CHRM2: variants seen among roughly 807,000 people sequenced by gnomAD.
CHRM2 encodes the protein muscarinic acetylcholine receptor M2.
In CHRM2, 8 loss-of-function variants were observed where a neutral mutation model predicts 25.0. The observed-to-expected ratio is 0.32, with a 90% CI of 0.19 to 0.58. CHRM2 has a LOEUF of 0.58. CHRM2 is among the 20% of genes least tolerant of loss of function. The pLI, the probability that CHRM2 is intolerant of heterozygous loss-of-function variation, is 0.88. For synonymous variants in CHRM2, 202 were observed against 205.7 expected (o/e 0.98, Z 0.15); for missense variants, 440 against 567.1 (o/e 0.78, Z 2.28).
At chr7:136,917,108 A>G (rs544249295) in intron 2 of CHRM2, among the ~76,000 whole-genome samples, 2 of 151,676 alleles carry the variant, frequency 1.3e-5, no homozygotes, top group Non-Finnish European at 2.9e-5. Context: ...AAATGAAAAC[A>G]TGATATTTTT....
chr7:137,008,954 T>C (rs1271841725), intron 3 of CHRM2, among the ~76,000 whole-genome samples: 2 of 152,084 alleles, frequency 1.3e-5, no homozygotes, highest in Non-Finnish European at 2.9e-5. Flanking sequence ...AGACCTAAAT[T>C]TGAATCACAG....
At chr7:136,975,989 G>A (rs1802079953) in intron 2 of CHRM2, among the ~76,000 whole-genome samples, 1 of 152,160 alleles carries the variant, frequency 6.6e-6, no homozygotes, top group Non-Finnish European at 1.5e-5. Context: ...GCTATGTTCA[G>A]ATAAGGTATT....
chr7:136,944,937 C>CCATTCTTG (rs1799985879), intron 2 of CHRM2, among the ~76,000 whole-genome samples: 1 of 152,040 alleles, frequency 6.6e-6, no homozygotes, highest in South Asian at 2.1e-4. Context: ...TTGATTATGG[C>CCATTCTTG]CATTCTTGCA....
At chr7:136,921,571 G>A (rs1798433454) in intron 2 of CHRM2, among the ~76,000 whole-genome samples, 1 of 151,808 alleles carries the variant, frequency 6.6e-6, no homozygotes, top group Non-Finnish European at 1.5e-5. Flanking sequence ...CCTTCTTTCT[G>A]CAATTCTCCC....
intron 2 of CHRM2, among the ~76,000 whole-genome samples, chr7:136,881,332 T>C (rs1191922783): frequency 4.0e-5 from 6 of 151,896 alleles, no homozygotes; most frequent in African/African-American, 1.4e-4. Flanking sequence ...GGCTTGATAG[T>C]TCCCTTCTTT....
At chr7:137,004,938 G>A (rs897791983) in intron 3 of CHRM2, among the ~76,000 whole-genome samples, 9 of 151,932 alleles carry the variant, frequency 5.9e-5, no homozygotes, top group Admixed American at 2.6e-4. Context: ...TTTGTCTTTC[G>A]ACTGGAAACA....
At chr7:136,986,519 C>T (rs1027121964) in intron 2 of CHRM2, among the ~76,000 whole-genome samples, 7 of 152,166 alleles carry the variant, frequency 4.6e-5, no homozygotes, top group African/African-American at 1.7e-4. Context: ...CTGTAGACCA[C>T]TCAATAGCTT....
chr7:136,935,414 G>C (rs1342809668), intron 2 of CHRM2, among the ~76,000 whole-genome samples: 1 of 152,148 alleles, frequency 6.6e-6, no homozygotes, highest in African/African-American at 2.4e-5. Context: ...ACGATCGTTT[G>C]AAATCAAGCT....
chr7:136,964,907 A>G (rs1801316922), intron 2 of CHRM2, among the ~76,000 whole-genome samples: 1 of 152,110 alleles, frequency 6.6e-6, no homozygotes. Flanking sequence ...TCCTTTCTGA[A>G]CCTTTTTAGT....
chr7:136,958,709 A>G (rs1034929299), intron 2 of CHRM2, among the ~76,000 whole-genome samples: 2 of 152,098 alleles, frequency 1.3e-5, no homozygotes, highest in Non-Finnish European at 2.9e-5. Flanking sequence ...CACCTGCCTC[A>G]GCCTCCCACA....
At chr7:136,933,049 C>CATACATAA (rs1554419865) in intron 2 of CHRM2, among the ~76,000 whole-genome samples, 3 of 120,300 alleles carry the variant, frequency 2.5e-5, no homozygotes, top group African/African-American at 7.6e-5. Context: ...TAAATAAATA[C>CATACATAA]ATAAATAAAT....
chr7:136,952,626 A>G (rs1800483940), intron 2 of CHRM2, among the ~76,000 whole-genome samples: 1 of 152,024 alleles, frequency 6.6e-6, no homozygotes, highest in South Asian at 2.1e-4. Context: ...TTGCATAGAT[A>G]AACTTGTGTC....
chr7:136,951,308 AC>A (rs1046341452), intron 2 of CHRM2, among the ~76,000 whole-genome samples: 1 of 152,206 alleles, frequency 6.6e-6, no homozygotes, highest in Non-Finnish European at 1.5e-5. Context: ...TAAAGCAACC[AC>A]CAGCACAGCA....
intron 2 of CHRM2, among the ~76,000 whole-genome samples, chr7:136,915,035 G>T (rs924539281): frequency 6.6e-6 from 1 of 151,848 alleles, no homozygotes; most frequent in Non-Finnish European, 1.5e-5. Context: ...TGAAGAGTAT[G>T]ACATGTAGGA....
chr7:136,872,149 A>G (rs776004753), intron 2 of CHRM2, among the ~76,000 whole-genome samples: 48 of 152,192 alleles, frequency 3.2e-4, no homozygotes, highest in Non-Finnish European at 5.9e-4. Flanking sequence ...CCAGGGCTAG[A>G]CTGTCTGAAA....
chr7:136,932,141 A>G (rs755408700), intron 2 of CHRM2, among the ~76,000 whole-genome samples: 1 of 152,240 alleles, frequency 6.6e-6, no homozygotes, highest in Non-Finnish European at 1.5e-5. Flanking sequence ...TGGATATTAC[A>G]GAAATAAAAA....
chr7:136,964,059 T>A lies in CHRM2; in HGVS notation c.-124-28128T>A, dbSNP rs569467923. Among the ~76,000 whole-genome samples the A allele has an allele frequency of 2.0e-4, 30 of 152,300 alleles. 1 individual carries two copies. The East Asian group carries it at 5.2e-3, about 27-fold the overall frequency. ...AACATTCCTGTTTTGAAAGTTTGTC[T>A]ATTTGCTGCCGGTCCATACAAATTC... On this transcript the variant is annotated intron_variant, in intron 2 of 3. Transcript: ENST00000680005.
At chr7:136,930,155 G>A (rs1031108116) in intron 2 of CHRM2, among the ~76,000 whole-genome samples, 2 of 152,044 alleles carry the variant, frequency 1.3e-5, no homozygotes, top group Non-Finnish European at 2.9e-5. Context: ...GAAAGAGGCC[G>A]GGCATGGTGG....
chr7:136,967,869 TC>T (rs1218763964), intron 2 of CHRM2, among the ~76,000 whole-genome samples: 1 of 152,000 alleles, frequency 6.6e-6, no homozygotes, highest in Non-Finnish European at 1.5e-5. Flanking sequence ...TATATTTCTG[TC>T]TTTTTAGAAT....
Sources: allele counts gnomAD v4.1 joint callset (sites outside exome capture counted in the v4.1 genomes callset), GRCh38; gene constraint gnomAD v4.1.1; transcripts MANE v1.5; gene names NCBI Gene and HGNC (gene_info 2026-07-23, HGNC 2026-07-21).